TET3: variants seen among roughly 807,000 people sequenced by gnomAD.
TET3 encodes methylcytosine dioxygenase TET3.
In TET3, 19 loss-of-function variants were observed where a neutral mutation model predicts 141.4. The ratio of observed to expected loss-of-function variants is 0.13; its 90% CI spans 0.09 to 0.20. The LOEUF (loss-of-function observed/expected upper bound fraction) is 0.20. Ranked by LOEUF, TET3 falls within the 10% of genes least tolerant of loss-of-function variation. The pLI, the probability that TET3 is intolerant of heterozygous loss-of-function variation, is 1.00. For missense variants in TET3, 1,874 were observed against 2,356.9 expected (o/e 0.80, Z 4.24); for synonymous variants, 1,043 against 980.9 (o/e 1.06, Z -1.18).
chr2:74,043,292 C>T (rs530395767), intron 3 of TET3, among the ~76,000 whole-genome samples: 2 of 152,324 alleles, frequency 1.3e-5, no homozygotes, highest in East Asian at 1.9e-4. Context: ...GAAAAGTAGT[C>T]TCCCACTGGG....
At chr2:74,061,148 C>A (rs1688505120) in intron 4 of TET3, among the ~76,000 whole-genome samples, 1 of 141,644 alleles carries the variant, frequency 7.1e-6, no homozygotes, top group Non-Finnish European at 1.6e-5. Context: ...GGGGGGCTGA[C>A]CCCCCCCACT....
intron 3 of TET3, among the ~76,000 whole-genome samples, chr2:74,012,980 A>G (rs1007939938): frequency 6.8e-6 from 1 of 148,014 alleles, no homozygotes; most frequent in Non-Finnish European, 1.5e-5. Flanking sequence ...TGAATATACT[A>G]TACTTGGTAA....
At position 74,046,481 on chromosome 2, in the gene TET3, A is replaced by C; in HGVS notation, c.564A>C (p.Pro188=). The change falls in exon 4 of 12, where the codon CCA becomes CCC. Residue 188 remains proline, a synonymous_variant. Coordinates refer to ENST00000409262, the MANE Select transcript of TET3 (RefSeq NM_001287491.2). This position sits in a 1 kb window ranked among gnomAD's most constrained non-coding sequence, Gnocchi z 4.3. ...CCGACTGGGAGGCTGCCCCAGGCCCAGCTCATACTGCTCGCCTGGAAGATG... is the reference window on the plus strand; with the variant it reads ...CCGACTGGGAGGCTGCCCCAGGCCCCGCTCATACTGCTCGCCTGGAAGATG... ...QKPDWEAAPG[P]AHTARLEDAH... is the part of the protein sequence containing the mutation. 1.2e-6 allele frequency: 2 copies of C among 1,613,708 alleles called. No homozygotes were observed. Among genetic ancestry groups the C allele is most frequent in the Non-Finnish European group, 1.7e-6 (2 of 1,179,702 alleles).
intron 8 of TET3, 134 bp downstream of exon 8, chr2:74,090,181 A>AG (rs1690397879): frequency 2.2e-6 from 3 of 1,357,152 alleles, no homozygotes; most frequent in Middle Eastern, 2.7e-4. Flanking sequence ...TTTTTTTAAA[A>AG]GCTGACCTTA....
rs148592970 is a variant in TET3 at position 73,997,737 on chromosome 2, G to A, written c.304-5373G>A. 5.5e-3 allele frequency among the ~76,000 whole-genome samples: 831 copies of A among 152,336 alleles called. 5 individuals carry two copies. Among genetic ancestry groups the A allele is most frequent in the African/African-American group, 0.019 (794 of 41,558 alleles). On this transcript the variant is annotated intron_variant, in intron 2 of 11. Transcript: ENST00000409262. ...GCCCCATTCAGCAAACCTCGCCTGG[G>A]ACTAGCTCTTTGCTGGGTGCCATAC...
chr2:74,036,223 T>C (rs967759387), intron 3 of TET3, among the ~76,000 whole-genome samples: 1 of 152,216 alleles, frequency 6.6e-6, no homozygotes, highest in African/African-American at 2.4e-5. Context: ...AACTTGCTTA[T>C]GGTCACACAG....
chr2:74,086,427 A>G (rs1203754578), intron 6 of TET3, among the ~76,000 whole-genome samples: 1 of 152,158 alleles, frequency 6.6e-6, no homozygotes, highest in Non-Finnish European at 1.5e-5. Flanking sequence ...CGTACCATAC[A>G]GTTCACACAT....
intron 3 of TET3, among the ~76,000 whole-genome samples, chr2:74,025,486 A>G (rs945153649): frequency 1.3e-5 from 2 of 151,508 alleles, no homozygotes; most frequent in African/African-American, 4.8e-5. Context: ...ACGGGGTTTC[A>G]CCTTGTTAGC....
intron 4 of TET3, among the ~76,000 whole-genome samples, chr2:74,065,963 T>C (rs1688877438): frequency 1.3e-5 from 2 of 152,136 alleles, no homozygotes; most frequent in Non-Finnish European, 1.5e-5. Flanking sequence ...TTCACTGTGG[T>C]AGCCAAAATG....
intron 10 of TET3, among the ~76,000 whole-genome samples, chr2:74,097,676 T>G (rs1438445121): frequency 6.6e-6 from 1 of 152,158 alleles, no homozygotes; most frequent in South Asian, 2.1e-4. Flanking sequence ...GTAGCTACAC[T>G]GGGGAAGTTT....
Position 74,093,045 on chromosome 2 carries a change from C to T in TET3, c.3129+54C>T, listed in dbSNP as rs887824898. The T allele has an allele frequency of 8.7e-6, 13 of 1,498,806 alleles. No homozygotes were observed. The highest frequency in any genetic ancestry group is 1.0e-5 in the Non-Finnish European group (11 of 1,099,408). 92.8% of individuals were successfully genotyped at this position (1,498,806 alleles called of 1,614,324 possible). A position where few individuals can be genotyped will look rare whatever the true frequency, so the allele number is the denominator to read the frequency against. On this transcript the variant is annotated intron_variant, in intron 9 of 11. Coordinates refer to ENST00000409262, the MANE Select transcript of TET3 (RefSeq NM_001287491.2). This position sits in a 1 kb window ranked among gnomAD's most constrained non-coding sequence, Gnocchi z 4.2. ...ACATGTCACCGTCCACATCTCTGCT[C>T]AGGCTCTGAAGGTGGGAAGTGGGAG...
Position 74,097,230 on chromosome 2 carries a change from C to CACACACACAT in TET3, c.3268-2045_3268-2044insCACACACATA, listed in dbSNP as rs1419069634. Among the ~76,000 whole-genome samples, 2 of 150,998 alleles carry CACACACACAT rather than the reference C, an allele frequency of 1.3e-5. 1 individual carries two copies. The highest frequency in any genetic ancestry group is 2.9e-5 in the Non-Finnish European group (2 of 67,868). ...ACACACACACACACACACACACACACATACATTCAAATGTCTGGGTAGTCA... is the reference window on the plus strand; with the variant it reads ...ACACACACACACACACACACACACACACACACACATATACATTCAAATGTCTGGGTAGTCA... On this transcript the variant is annotated intron_variant, in intron 10 of 11. Coordinates refer to ENST00000409262, the MANE Select transcript of TET3 (RefSeq NM_001287491.2).
At chr2:74,120,535 G>C in the TET3 span, 3 of 152,472 alleles carry the variant, frequency 2.0e-5, no homozygotes, top group East Asian at 5.8e-4. Context: ...CCCTGCAGGC[G>C]TCGTCGCGGG....
intron 2 of TET3, among the ~76,000 whole-genome samples, chr2:73,992,646 G>A (rs961937059): frequency 2.0e-5 from 3 of 152,060 alleles, no homozygotes; most frequent in South Asian, 2.1e-4. Context: ...ACAGAGTGTC[G>A]CTATTTTGCC....
intron 3 of TET3, among the ~76,000 whole-genome samples, chr2:74,008,273 G>C (rs908478015): frequency 6.6e-6 from 1 of 152,194 alleles, no homozygotes; most frequent in Non-Finnish European, 1.5e-5. Flanking sequence ...TTGCATCTCA[G>C]CTTCTGTAGA....
intron 4 of TET3, among the ~76,000 whole-genome samples, chr2:74,070,340 T>C (rs778644553): frequency 6.6e-6 from 1 of 152,194 alleles, no homozygotes; most frequent in Non-Finnish European, 1.5e-5. Flanking sequence ...TGGAAGGGGT[T>C]TCCCCTTATC....
the TET3 span, among the ~76,000 whole-genome samples, chr2:74,114,576 G>A: frequency 6.6e-6 from 1 of 151,942 alleles, no homozygotes; most frequent in Non-Finnish European, 1.5e-5. Context: ...AGCAGGCTGG[G>A]CATGGTGGCT....
At chr2:74,121,112 A>G in the TET3 span, 1 of 152,204 alleles carries the variant, frequency 6.6e-6, no homozygotes, top group Non-Finnish European at 1.5e-5. Context: ...AGAAAATGCC[A>G]TATGTTTTAA....
intron 4 of TET3, among the ~76,000 whole-genome samples, chr2:74,063,784 G>A (rs963925829): frequency 1.3e-5 from 2 of 151,514 alleles, no homozygotes; most frequent in Non-Finnish European, 2.9e-5. Flanking sequence ...ATCTGGCCTG[G>A]TGCAATACCT....
Sources: gnomAD v4.1 joint callset for allele counts (sites outside exome capture counted in the v4.1 genomes callset) on GRCh38, gnomAD v4.1.1 for gene constraint, Gnocchi (gnomAD v3.1) non-coding constraint, MANE v1.5 for transcripts, NCBI Gene and HGNC (gene_info 2026-07-23, HGNC 2026-07-21) for gene names.